The following EMP2 variants were observed in gnomAD, a reference collection of about 807,000 sequenced individuals.
EMP2 encodes the protein epithelial membrane protein 2.
Under a neutral mutation model 13.7 loss-of-function variants are expected in EMP2, and 19 were observed. That is an observed-to-expected ratio of 1.38 (90% CI 0.97 to 2.03). The LOEUF (loss-of-function observed/expected upper bound fraction) is 2.03, where lower values mean the gene tolerates loss of function less well. Among genes scored for constraint, EMP2 ranks in the 30% most tolerant of loss-of-function variants. The pLI, the probability that EMP2 is intolerant of heterozygous loss-of-function variation, is 0.00. For synonymous variants in EMP2, 97 were observed against 84.7 expected (o/e 1.15, Z -0.80); for missense variants, 253 against 220.7 (o/e 1.15, Z -0.93).
rs373424928 is a variant in EMP2, at chr16:10,547,634, G to A, written c.-17C>T. 2.3e-4 allele frequency: 379 copies of A among 1,613,678 alleles called. 2 individuals carry two copies. Among genetic ancestry groups the A allele is most frequent in the South Asian group, 3.2e-4 (29 of 91,024 alleles). On this transcript the variant is annotated 5_prime_UTR_variant, in exon 2 of 5. Coordinates refer to ENST00000359543, the MANE Select transcript of EMP2 (RefSeq NM_001424.6). The stretch of plus-strand genomic sequence containing the variant: ...CACCAACATTTTCACAGGGCAGGGC[G>A]AGTCGAGGCGAGGGGTCACGTTTAA...
At position 10,580,033 on chromosome 16, in the gene EMP2, G is replaced by T. The variant is rs550299695; in HGVS notation, c.-61+516C>A. Among the ~76,000 whole-genome samples the T allele has an allele frequency of 1.3e-3, 203 of 152,278 alleles. 2 individuals carry two copies. Among genetic ancestry groups the T allele is most frequent in the Admixed American group, 2.2e-3 (33 of 15,300 alleles). Reference sequence around the variant, plus strand: ...GGTGTCATCCCAGCAGCGCCTCCCGGCTCCTCCACCGTTCCTGACCCCCAA... The same window carrying T: ...GGTGTCATCCCAGCAGCGCCTCCCGTCTCCTCCACCGTTCCTGACCCCCAA... On this transcript the variant is annotated intron_variant, in intron 1 of 4. Coordinates refer to ENST00000359543, the MANE Select transcript of EMP2 (RefSeq NM_001424.6). This position sits in a 1 kb window ranked among gnomAD's most constrained non-coding sequence, Gnocchi z 4.3.
At position 10,533,026 on chromosome 16, in the gene EMP2, G is replaced by C; in HGVS notation, c.383C>G (p.Ala128Gly). ...DRREDIHDKN[A>G]KFYPVTREGS... Reference sequence around the variant, plus strand: ...TTCTCTGGTCACGGGATAGAATTTCGCGTTTTTGTCGTGAATGTCTTCACG... The same window carrying C: ...TTCTCTGGTCACGGGATAGAATTTCCCGTTTTTGTCGTGAATGTCTTCACG... The change falls in exon 5 of 5, where the codon GCG becomes GGG. Residue 128 changes from alanine to glycine, a missense_variant. Transcript: ENST00000359543. The C allele has an allele frequency of 7.4e-6, 12 of 1,611,092 alleles. No homozygotes were observed. Among genetic ancestry groups the C allele is most frequent in the Non-Finnish European group, 9.3e-6 (11 of 1,178,624 alleles).
chr16:10,568,319 T>C (rs1389377328), intron 1 of EMP2, among the ~76,000 whole-genome samples: 2 of 152,242 alleles, frequency 1.3e-5, no homozygotes, highest in East Asian at 3.8e-4. Context: ...TCCTGGTGAA[T>C]TGAGGTCAAG....
chr16:10,579,234 C>T (rs1409085388), intron 1 of EMP2, among the ~76,000 whole-genome samples: 4 of 152,172 alleles, frequency 2.6e-5, no homozygotes, highest in Admixed American at 2.0e-4. Flanking sequence ...GTCCCTTCCT[C>T]GTCCTCTTTA....
rs2050749434 is a variant in EMP2 at position 10,547,582 on chromosome 16, G to A, written c.36C>T (p.His12=). ...LVLLAFIIAF[H]ITSAALLFIA... ...TGAACAGCAAGGCTGCAGAGGTGAT[G>A]TGGAAGGCGATGATGAAAGCAAGAA... Residue 12 remains histidine, a synonymous_variant, in exon 2 of 5, where the codon CAC becomes CAT. Coordinates refer to ENST00000359543, the MANE Select transcript of EMP2 (RefSeq NM_001424.6). 1 of 1,614,084 alleles carries A rather than the reference G, an allele frequency of 6.2e-7. No individual in the cohort carries two copies. The highest frequency in any genetic ancestry group is 1.1e-5 in the South Asian group (1 of 91,076).
intron 4 of EMP2, among the ~76,000 whole-genome samples, chr16:10,535,113 T>C (rs1479603964): frequency 6.6e-6 from 1 of 152,160 alleles, no homozygotes; most frequent in Non-Finnish European, 1.5e-5. Flanking sequence ...TCTTGCAGGC[T>C]ACCCCCAGAA....
intron 1 of EMP2, among the ~76,000 whole-genome samples, chr16:10,571,364 A>G (rs937603344): frequency 1.3e-5 from 2 of 151,464 alleles, no homozygotes; most frequent in Admixed American, 6.6e-5. Context: ...AAGGGGTTAG[A>G]CCAGTACGTC....
intron 1 of EMP2, among the ~76,000 whole-genome samples, chr16:10,561,246 A>G (rs2050869130): frequency 6.6e-6 from 1 of 152,178 alleles, no homozygotes; most frequent in African/African-American, 2.4e-5. Context: ...TTGAAGGATG[A>G]GGGAAACAGT....
rs371520347 is a variant in EMP2, at chr16:10,579,753, G to A, written c.-61+796C>T. Among the ~76,000 whole-genome samples, 3 of 143,082 alleles carry A rather than the reference G, an allele frequency of 2.1e-5. No individual in the cohort carries two copies. The South Asian group carries it at 6.6e-4, about 32-fold the overall frequency. 93.9% of individuals were successfully genotyped at this position (143,082 alleles called of 152,430 possible). A position where few individuals can be genotyped will look rare whatever the true frequency, so the allele number is the denominator to read the frequency against. The stretch of plus-strand genomic sequence containing the variant: ...ACACACACACACCCTCAAAGCTTGG[G>A]AGGGGCAGTGCTCCCTTCCCCAAAA... On this transcript the variant is annotated intron_variant, in intron 1 of 4. Coordinates refer to ENST00000359543, the MANE Select transcript of EMP2 (RefSeq NM_001424.6).
intron 1 of EMP2, among the ~76,000 whole-genome samples, chr16:10,570,932 G>T (rs2050942657): frequency 6.6e-6 from 1 of 152,054 alleles, no homozygotes; most frequent in Non-Finnish European, 1.5e-5. Flanking sequence ...GAGGGAAAGA[G>T]CAGGTAGAAG....
intron 3 of EMP2, among the ~76,000 whole-genome samples, chr16:10,539,365 A>G (rs1212365058): frequency 1.3e-5 from 2 of 152,168 alleles, no homozygotes; most frequent in Non-Finnish European, 2.9e-5. Flanking sequence ...CATTCTGGCT[A>G]CAGATTACGG....
rs62029481 is a variant in EMP2 at position 10,563,882 on chromosome 16, G to A, written c.-60-16205C>T. Among the ~76,000 whole-genome samples the A allele has an allele frequency of 0.014, 2,093 of 152,346 alleles. 135 individuals carry two copies. The East Asian group carries it at 0.21, about 15-fold the overall frequency. On this transcript the variant is annotated intron_variant, in intron 1 of 4. Transcript: ENST00000359543. Reference sequence around the variant, plus strand: ...TGGCATGTAGCAAATGCTATGAAGTGTTACTGACACAGGGCAGGCGAGCCC... The same window carrying A: ...TGGCATGTAGCAAATGCTATGAAGTATTACTGACACAGGGCAGGCGAGCCC...
intron 2 of EMP2, 40 bp from the exon 3 acceptor site, chr16:10,543,700 T>A: frequency 1.9e-6 from 3 of 1,598,088 alleles, no homozygotes; most frequent in Non-Finnish European, 2.6e-6. Flanking sequence ...GGCCGTCCGT[T>A]CATGATGCAA....
At chr16:10,550,344 G>A (rs1046820946) in intron 1 of EMP2, among the ~76,000 whole-genome samples, 1 of 152,118 alleles carries the variant, frequency 6.6e-6, no homozygotes, top group Non-Finnish European at 1.5e-5. Flanking sequence ...TCCAATCCAA[G>A]CTGATACACT....
chr16:10,544,147 C>G (rs960696287), intron 2 of EMP2: 2 of 153,584 alleles, frequency 1.3e-5, no homozygotes, highest in African/African-American at 4.9e-5. Flanking sequence ...AGCCACTGCG[C>G]TCAGCCGGGA....
intron 1 of EMP2, among the ~76,000 whole-genome samples, chr16:10,560,739 G>C (rs1490832603): frequency 6.6e-6 from 1 of 152,214 alleles, no homozygotes; most frequent in Non-Finnish European, 1.5e-5. Flanking sequence ...CGACACCTGA[G>C]CTGGGTCTCT....
intron 1 of EMP2, among the ~76,000 whole-genome samples, chr16:10,549,941 A>T (rs546481102): frequency 7.6e-6 from 1 of 131,742 alleles, no homozygotes; most frequent in Non-Finnish European, 1.5e-5. Context: ...GCTGGAGTAC[A>T]GTGGTGCGAT....
chr16:10,534,772 T>TA (rs1201273257), intron 4 of EMP2, among the ~76,000 whole-genome samples: 3 of 151,970 alleles, frequency 2.0e-5, no homozygotes, highest in Non-Finnish European at 2.9e-5. Context: ...TCTCAAAAAA[T>TA]AAAAAAAGAA....
chr16:10,538,112 T>C (rs1462813327), intron 3 of EMP2, 38 bp from the exon 4 acceptor site: 5 of 1,606,934 alleles, frequency 3.1e-6, no homozygotes, highest in Non-Finnish European at 4.3e-6. Context: ...CTGAGGACCT[T>C]GGCCAGCCGG....
Sources: allele counts gnomAD v4.1 joint callset (sites outside exome capture counted in the v4.1 genomes callset), GRCh38; gene constraint gnomAD v4.1.1; non-coding constraint Gnocchi (gnomAD v3.1); transcripts MANE v1.5; gene names NCBI Gene and HGNC (gene_info 2026-07-23, HGNC 2026-07-21).